Variants in CACNA1C observed in about 807,000 individuals in gnomAD.
The protein encoded by CACNA1C is calcium voltage-gated channel subunit alpha1 C, also known as voltage-dependent L-type calcium channel subunit alpha-1C.
A neutral mutation model predicts 229.0 loss-of-function variants in CACNA1C; 30 were observed. That is an observed-to-expected ratio of 0.13 (90% confidence interval 0.10 to 0.18). The LOEUF (loss-of-function observed/expected upper bound fraction) is 0.18. Among genes scored for constraint, CACNA1C ranks in the 10% least tolerant of loss-of-function variants. The probability of loss-of-function intolerance (pLI) is 1.00; values close to 1 mark genes in which losing one functional copy is unlikely to be tolerated. For missense variants in CACNA1C, 1,658 were observed against 2,845.0 expected (o/e 0.58, Z 9.49); for synonymous variants, 1,114 against 1,132.5 (o/e 0.98, Z 0.33).
At chr12:2,328,861 A>G (rs1214044835) in intron 3 of CACNA1C, among the ~76,000 whole-genome samples, 3 of 152,226 alleles carry the variant, frequency 2.0e-5, no homozygotes, top group Non-Finnish European at 4.4e-5. Context: ...TGGGTAGACA[A>G]GGCCACTCAA....
intron 1 of CACNA1C, among the ~76,000 whole-genome samples, chr12:1,981,110 T>C (rs2470403): frequency 0.017 from 2,547 of 152,312 alleles, 75 homozygotes; most frequent in African/African-American, 0.057. Flanking sequence ...TGTATGGCAT[T>C]CTCACAACTC....
intron 3 of CACNA1C, among the ~76,000 whole-genome samples, chr12:2,295,673 G>T (rs1400190771): frequency 6.6e-6 from 1 of 152,156 alleles, no homozygotes; most frequent in African/African-American, 2.4e-5. Context: ...CATTGCAATG[G>T]GTTGGTCACA....
chr12:2,463,951 A>G (rs2099533070), intron 5 of CACNA1C, among the ~76,000 whole-genome samples: 1 of 152,190 alleles, frequency 6.6e-6, no homozygotes. Context: ...CAGATGAACC[A>G]TAGGGAGAGT....
intron 1 of CACNA1C, among the ~76,000 whole-genome samples, chr12:2,088,385 G>A (rs771802719): frequency 2.6e-5 from 4 of 152,184 alleles, no homozygotes; most frequent in African/African-American, 4.8e-5. Flanking sequence ...TCTAGAGGCC[G>A]TGAACACGGT....
intron 29 of CACNA1C, among the ~76,000 whole-genome samples, chr12:2,620,743 C>G (rs1002465926): frequency 2.6e-5 from 4 of 152,230 alleles, no homozygotes; most frequent in Non-Finnish European, 4.4e-5. Context: ...TTTCCACACA[C>G]ACATGCACAC....
chr12:2,118,082 A>G (rs1005006784), intron 2 of CACNA1C, among the ~76,000 whole-genome samples: 1 of 152,268 alleles, frequency 6.6e-6, no homozygotes, highest in Middle Eastern at 3.4e-3. Context: ...TCTCTGCCTG[A>G]TTGGTTTTTA....
At chr12:2,526,271 C>T (rs1365241211) in intron 9 of CACNA1C, among the ~76,000 whole-genome samples, 2 of 152,214 alleles carry the variant, frequency 1.3e-5, no homozygotes, top group Non-Finnish European at 2.9e-5. Context: ...TCCCCCGAAC[C>T]ACACCCTACC....
rs759268951 is a variant in CACNA1C at position 2,486,091 on chromosome 12, T to G, written c.758-13T>G. On this transcript the variant is annotated splice_polypyrimidine_tract_variant and intron_variant, in intron 5 of 46. Transcript: ENST00000399655. The surrounding 1 kb of genome is among the most constrained non-coding windows in gnomAD (Gnocchi z 4.9). ...GGTGATGCTTGGTTCAGTGAGTGGC[T>G]CTGTCCCCGCAGGTCTCCAGGTGGT... is the stretch of plus-strand genomic sequence containing the variant. 3 of 1,587,238 alleles carry G rather than the reference T, an allele frequency of 1.9e-6. No individual in the cohort carries two copies. In the South Asian group the frequency reaches 3.5e-5, roughly 19 times the overall value.
Position 2,403,141 on chromosome 12 carries a change from A to T in CACNA1C, c.478-45835A>T, listed in dbSNP as rs1159057272. On this transcript the variant is annotated intron_variant, in intron 3 of 46. Coordinates refer to ENST00000399655, the MANE Select transcript of CACNA1C (RefSeq NM_000719.7). The surrounding 1 kb of genome is among the most constrained non-coding windows in gnomAD (Gnocchi z 4.1). ...GCCTGGAGTGATGAGGGTCAACCAC[A>T]GTCTTCCCAACATTTCCTGGAGGTC... Among the ~76,000 whole-genome samples the T allele has an allele frequency of 6.6e-6, 1 of 152,172 alleles. No individual in the cohort carries two copies. The highest frequency in any genetic ancestry group is 1.9e-4 in the East Asian group (1 of 5,196).
chr12:2,063,509 C>T (rs2058288549), intron 1 of CACNA1C, among the ~76,000 whole-genome samples: 1 of 152,160 alleles, frequency 6.6e-6, no homozygotes, highest in Admixed American at 6.5e-5. Flanking sequence ...GATAACATAT[C>T]TCACAAATTT....
At chr12:2,660,791 T>G (rs2153691381) in intron 34 of CACNA1C, 2 of 152,078 alleles carry the variant, frequency 1.3e-5, no homozygotes. Flanking sequence ...TCCACTACAC[T>G]CTAGCCTGGG....
intron 1 of CACNA1C, among the ~76,000 whole-genome samples, chr12:2,080,272 C>CAAGAACAAA (rs1555137399): frequency 6.0e-5 from 9 of 150,608 alleles, no homozygotes; most frequent in African/African-American, 2.2e-4. Context: ...AAACAAAAAA[C>CAAGAACAAA]AAAAACAAAA....
chr12:2,360,391 G>C (rs1016919341), intron 3 of CACNA1C, among the ~76,000 whole-genome samples: 1 of 152,090 alleles, frequency 6.6e-6, no homozygotes. Flanking sequence ...ATCCCTGCTG[G>C]GTCACTTGGA....
chr12:2,633,710 A>G lies in CACNA1C; in HGVS notation c.3829-587A>G, dbSNP rs769483644. 1 of 1,567,016 alleles carries G rather than the reference A, an allele frequency of 6.4e-7. No individual in the cohort carries two copies. Among genetic ancestry groups the G allele is most frequent in the East Asian group, 2.2e-5 (1 of 44,664 alleles). On this transcript the variant is annotated intron_variant, in intron 29 of 46. Transcript: ENST00000399655. The surrounding 1 kb of genome is among the most constrained non-coding windows in gnomAD (Gnocchi z 5.8). ...AATTGACGTCATTCTCAGTGAGACT[A>G]ATGTGAGTATTACTCTGCCCTCCCC... is the stretch of plus-strand genomic sequence containing the variant.
chr12:2,561,125 C>T (rs1329683959), intron 11 of CACNA1C, among the ~76,000 whole-genome samples: 1 of 152,182 alleles, frequency 6.6e-6, no homozygotes, highest in African/African-American at 2.4e-5. Context: ...CAGGGGTTCC[C>T]GTGCAGGATG....
intron 3 of CACNA1C, among the ~76,000 whole-genome samples, chr12:2,299,467 A>G (rs1592080310): frequency 6.6e-6 from 1 of 152,088 alleles, no homozygotes; most frequent in Non-Finnish European, 1.5e-5. Context: ...GAGAGCTCTC[A>G]TCGGATGCTT....
intron 3 of CACNA1C, among the ~76,000 whole-genome samples, chr12:2,253,645 A>C (rs1364077686): frequency 6.6e-6 from 1 of 152,220 alleles, no homozygotes; most frequent in African/African-American, 2.4e-5. Flanking sequence ...CCTTCCTCGC[A>C]GGAGGGTGTT....
chr12:2,276,069 T>C (rs1035976382), intron 3 of CACNA1C, among the ~76,000 whole-genome samples: 1 of 151,630 alleles, frequency 6.6e-6, no homozygotes, highest in African/African-American at 2.4e-5. Flanking sequence ...ATTTGTATAA[T>C]TTTTTAATGA....
intron 30 of CACNA1C, among the ~76,000 whole-genome samples, chr12:2,643,769 G>A (rs1459975270): frequency 6.6e-6 from 1 of 152,122 alleles, no homozygotes; most frequent in Non-Finnish European, 1.5e-5. Flanking sequence ...GTTGGCGTCA[G>A]ATGTCTCCAG....
Sources: gnomAD v4.1 joint callset for allele counts (sites outside exome capture counted in the v4.1 genomes callset) on GRCh38, gnomAD v4.1.1 for gene constraint, Gnocchi (gnomAD v3.1) non-coding constraint, MANE v1.5 for transcripts, NCBI Gene and HGNC (gene_info 2026-07-23, HGNC 2026-07-21) for gene names.